NCKAP5: variants seen among roughly 807,000 people sequenced by gnomAD.
The protein encoded by NCKAP5 is NCK associated protein 5.
NCKAP5 carries 92 observed loss-of-function variants against 167.0 expected under a neutral mutation model. The observed-to-expected ratio is 0.55, with a 90% CI of 0.47 to 0.66. The LOEUF is 0.66. NCKAP5 is among the 30% of genes least tolerant of loss of function. NCKAP5 has a pLI of 0.00. For synonymous variants in NCKAP5, 891 were observed against 877.4 expected (o/e 1.02, Z -0.27); for missense variants, 2,378 against 2,315.0 (o/e 1.03, Z -0.56).
intron 11 of NCKAP5, among the ~76,000 whole-genome samples, chr2:132,808,068 G>C (rs1685569934): frequency 6.6e-6 from 1 of 152,066 alleles, no homozygotes. Flanking sequence ...TTATTGACTT[G>C]TGTAGGTTAA....
intron 3 of NCKAP5, among the ~76,000 whole-genome samples, chr2:133,432,315 C>T (rs1392907435): frequency 6.6e-6 from 1 of 152,128 alleles, no homozygotes; most frequent in Non-Finnish European, 1.5e-5. Flanking sequence ...AAAACAAATA[C>T]CTGAGAAAAG....
At chr2:132,794,223 CATATATATATATAT>C (rs1166750939) in intron 12 of NCKAP5, among the ~76,000 whole-genome samples, 70 of 21,152 alleles carry the variant, frequency 3.3e-3, no homozygotes, top group African/African-American at 6.7e-3. Context: ...AATGTTTATA[CATATATATATATAT>C]ATATATATAT....
intron 2 of NCKAP5, among the ~76,000 whole-genome samples, chr2:133,547,735 C>T (rs1240405538): frequency 6.7e-6 from 1 of 149,038 alleles, no homozygotes; most frequent in Non-Finnish European, 1.5e-5. Context: ...TGTACATCAC[C>T]ATCATCAAAG....
rs564984705 is a variant in NCKAP5 at position 133,180,540 on chromosome 2, T to C, written c.207+33176A>G. Among the ~76,000 whole-genome samples the C allele has an allele frequency of 2.6e-5, 4 of 152,210 alleles. No homozygotes were observed. In the East Asian group the frequency reaches 7.7e-4, roughly 29 times the overall value. ...TTTTTGTAGAGACGCGGTTTCACTA[T>C]GTTACCCAGGCTGGTCTTGAACTCC... On this transcript the variant is annotated intron_variant, in intron 5 of 19. Transcript: ENST00000409261.
the NCKAP5 span, among the ~76,000 whole-genome samples, chr2:133,634,939 C>A: frequency 6.6e-6 from 1 of 151,624 alleles, no homozygotes; most frequent in East Asian, 1.9e-4. Flanking sequence ...GGGATCTTGG[C>A]TCACTGCAAC....
chr2:133,379,017 A>C (rs1686341272), intron 3 of NCKAP5, among the ~76,000 whole-genome samples: 1 of 152,212 alleles, frequency 6.6e-6, no homozygotes. Flanking sequence ...GGTGCTCTCA[A>C]TATCCAGATA....
the NCKAP5 span, among the ~76,000 whole-genome samples, chr2:133,638,540 A>T: frequency 1.3e-5 from 2 of 152,338 alleles, no homozygotes; most frequent in Admixed American, 6.5e-5. Flanking sequence ...CCAAATGTTA[A>T]ACTTCTCTCA....
At chr2:133,527,890 C>T (rs866317585) in intron 2 of NCKAP5, among the ~76,000 whole-genome samples, 2 of 151,982 alleles carry the variant, frequency 1.3e-5, no homozygotes, top group African/African-American at 4.8e-5. Context: ...CATAGTGAGA[C>T]CCCTGTCTGT....
Position 133,517,537 on chromosome 2 carries a change from A to G in NCKAP5, c.-11T>C, listed in dbSNP as rs1164183618. On this transcript the variant is annotated 5_prime_UTR_variant, in exon 3 of 20. Coordinates refer to ENST00000409261, the MANE Select transcript of NCKAP5 (RefSeq NM_207363.3). ...TCTCTTTCCCTCCATGGATGAAGTTATTTATTTTCTTTTGTGACTTATAAG... is the reference window on the plus strand; with the variant it reads ...TCTCTTTCCCTCCATGGATGAAGTTGTTTATTTTCTTTTGTGACTTATAAG... 6.6e-7 allele frequency: 1 copy of G among 1,507,534 alleles called. No individual in the cohort carries two copies. The highest frequency in any genetic ancestry group is 1.4e-5 in the African/African-American group (1 of 71,526). The allele number at this position is 1,507,534 out of a possible 1,614,324, so 93.4% of individuals were successfully genotyped here. A position where few individuals can be genotyped will look rare whatever the true frequency, so the allele number is the denominator to read the frequency against.
intron 8 of NCKAP5, among the ~76,000 whole-genome samples, chr2:132,887,924 G>A (rs1311212499): frequency 4.6e-5 from 7 of 152,106 alleles, no homozygotes; most frequent in Non-Finnish European, 1.0e-4. Context: ...CATAAATAGT[G>A]ATTTAAATTC....
rs764543773 is a variant in NCKAP5 at position 132,782,776 on chromosome 2, G to T, written c.4035C>A (p.Pro1345=). The T allele has an allele frequency of 3.7e-6, 6 of 1,613,856 alleles. No individual in the cohort carries two copies. Among genetic ancestry groups the T allele is most frequent in the Non-Finnish European group, 5.1e-6 (6 of 1,179,796 alleles). ...TCCCCAGGGAGCCCTTCCCGGAGGA[G>T]GGGTGCCCCGAGGGCCTCCCAACAC... is the stretch of plus-strand genomic sequence containing the variant. ...LPSVGRPSGH[P]SSGKGSLGSS... is the part of the protein sequence containing the mutation. The change falls in exon 14 of 20, where the codon CCC becomes CCA. Residue 1345 remains proline (P), a synonymous_variant. Coordinates refer to ENST00000409261, the MANE Select transcript of NCKAP5 (RefSeq NM_207363.3).
At chr2:132,799,504 CTATT>C (rs562716266) in intron 11 of NCKAP5, among the ~76,000 whole-genome samples, 3 of 152,188 alleles carry the variant, frequency 2.0e-5, no homozygotes, top group African/African-American at 7.2e-5. Flanking sequence ...ACAGAAGTGG[CTATT>C]TAATCTACTA....
intron 5 of NCKAP5, among the ~76,000 whole-genome samples, chr2:133,155,149 T>C (rs1267640807): frequency 1.3e-5 from 2 of 152,174 alleles, no homozygotes; most frequent in African/African-American, 2.4e-5. Flanking sequence ...GAGGCTAATG[T>C]TTGTGCCCTC....
At chr2:132,808,527 G>C (rs1685612690) in intron 11 of NCKAP5, among the ~76,000 whole-genome samples, 1 of 152,026 alleles carries the variant, frequency 6.6e-6, no homozygotes, top group South Asian at 2.1e-4. Context: ...ATCTCTTCTA[G>C]GTTTTCTAGT....
At chr2:133,286,805 G>GAA (rs5834352) in intron 4 of NCKAP5, among the ~76,000 whole-genome samples, 3 of 151,596 alleles carry the variant, frequency 2.0e-5, no homozygotes, top group East Asian at 1.9e-4. Context: ...TAAAGACTGC[G>GAA]AAAAAAAACA....
intron 6 of NCKAP5, among the ~76,000 whole-genome samples, chr2:133,001,924 T>A (rs369872646): frequency 1.1e-3 from 168 of 152,288 alleles, no homozygotes; most frequent in African/African-American, 3.9e-3. Flanking sequence ...CTACATTGAA[T>A]CCACATGAAT....
At chr2:132,859,962 T>C (rs1689763001) in intron 11 of NCKAP5, among the ~76,000 whole-genome samples, 1 of 151,482 alleles carries the variant, frequency 6.6e-6, no homozygotes, top group Non-Finnish European at 1.5e-5. Context: ...TAAAAAAAAA[T>C]AGTTCAGTGA....
At chr2:132,909,828 A>G (rs1694303510) in intron 8 of NCKAP5, among the ~76,000 whole-genome samples, 1 of 152,230 alleles carries the variant, frequency 6.6e-6, no homozygotes, top group Non-Finnish European at 1.5e-5. Context: ...CAAGTGGTTG[A>G]GAAATCATAT....
chr2:133,418,103 T>C (rs1689236347), intron 3 of NCKAP5, among the ~76,000 whole-genome samples: 1 of 152,212 alleles, frequency 6.6e-6, no homozygotes, highest in South Asian at 2.1e-4. Context: ...ACATATGATT[T>C]AAGCCTTTGC....
Sources: allele counts gnomAD v4.1 joint callset (sites outside exome capture counted in the v4.1 genomes callset), GRCh38; gene constraint gnomAD v4.1.1; transcripts MANE v1.5; gene names NCBI Gene and HGNC (gene_info 2026-07-23, HGNC 2026-07-21).